The following SPMIP2 variants were observed in gnomAD, a reference collection of about 807,000 sequenced individuals.
SPMIP2 encodes sperm microtubule inner protein 2.
the SPMIP2 span, among the ~76,000 whole-genome samples, chr4:158,971,529 C>T: frequency 0.98 from 149,299 of 152,266 alleles, 73,255 homozygotes; most frequent in East Asian, 1. Flanking sequence ...TAATATCATA[C>T]TAAATTTAAT....
chr4:159,016,235 C>T, the SPMIP2 span, among the ~76,000 whole-genome samples: 14 of 152,184 alleles, frequency 9.2e-5, no homozygotes, highest in African/African-American at 3.1e-4. Context: ...CTGCCAATCT[C>T]TATTAATCAG....
At chr4:159,054,663 C>T in the SPMIP2 span, among the ~76,000 whole-genome samples, 3 of 152,160 alleles carry the variant, frequency 2.0e-5, no homozygotes, top group Non-Finnish European at 4.4e-5. Context: ...GCGCTACACA[C>T]AAAATGGAAA....
chr4:159,009,566 T>A, the SPMIP2 span, among the ~76,000 whole-genome samples: 1 of 152,232 alleles, frequency 6.6e-6, no homozygotes, highest in African/African-American at 2.4e-5. Flanking sequence ...TATATATTCC[T>A]AGAATCAACA....
chr4:158,974,592 ATGAC>A, the SPMIP2 span, among the ~76,000 whole-genome samples: 1 of 152,116 alleles, frequency 6.6e-6, no homozygotes, highest in Non-Finnish European at 1.5e-5. Flanking sequence ...TTTGCTGAGA[ATGAC>A]TGTTTCCAGC....
At chr4:158,993,238 GC>G in the SPMIP2 span, among the ~76,000 whole-genome samples, 3 of 152,002 alleles carry the variant, frequency 2.0e-5, no homozygotes, top group Non-Finnish European at 4.4e-5. Flanking sequence ...CCCATGGCAT[GC>G]CCGGGTAGTC....
At chr4:158,991,209 G>A in the SPMIP2 span, among the ~76,000 whole-genome samples, 1 of 135,036 alleles carries the variant, frequency 7.4e-6, no homozygotes, top group African/African-American at 2.6e-5. Context: ...ACCAAAATGA[G>A]TGTAGACGTG....
chr4:158,979,648 T>A, the SPMIP2 span, among the ~76,000 whole-genome samples: 1 of 152,104 alleles, frequency 6.6e-6, no homozygotes, highest in African/African-American at 2.4e-5. Flanking sequence ...CAGTGACCAC[T>A]GGCCCATATA....
chr4:159,049,810 T>C, the SPMIP2 span, among the ~76,000 whole-genome samples: 1 of 152,226 alleles, frequency 6.6e-6, no homozygotes, highest in African/African-American at 2.4e-5. Context: ...ATGATTTTTG[T>C]GTCTGTCTGG....
At chr4:159,054,041 G>A in the SPMIP2 span, among the ~76,000 whole-genome samples, 87 of 152,230 alleles carry the variant, frequency 5.7e-4, no homozygotes, top group Non-Finnish European at 7.4e-4. Context: ...TGGTGCAATC[G>A]TCACTCACTG....
the SPMIP2 span, among the ~76,000 whole-genome samples, chr4:159,035,944 C>G: frequency 6.6e-6 from 1 of 152,208 alleles, no homozygotes; most frequent in South Asian, 2.1e-4. Context: ...GACCTCCCCA[C>G]TAGAATCTGA....
chr4:158,943,766 C>T, the SPMIP2 span, among the ~76,000 whole-genome samples: 10 of 151,796 alleles, frequency 6.6e-5, no homozygotes, highest in African/African-American at 7.3e-5. Context: ...CAGTGCTCCA[C>T]GCAGTAAGCC....
the SPMIP2 span, among the ~76,000 whole-genome samples, chr4:158,977,859 G>C: frequency 0.99 from 150,463 of 152,202 alleles, 74,390 homozygotes; most frequent in East Asian, 1. Flanking sequence ...CGTGATCTGC[G>C]CACCTCTGCC....
At chr4:159,046,016 G>A in the SPMIP2 span, among the ~76,000 whole-genome samples, 7 of 152,258 alleles carry the variant, frequency 4.6e-5, no homozygotes, top group East Asian at 1.9e-4. Context: ...TTGGAAAGCC[G>A]AGGCGGGCAA....
the SPMIP2 span, among the ~76,000 whole-genome samples, chr4:158,924,839 T>C: frequency 6.6e-6 from 1 of 152,228 alleles, no homozygotes; most frequent in Non-Finnish European, 1.5e-5. Context: ...CTTCATTCTG[T>C]TGACATGGTA....
At chr4:159,009,788 T>C in the SPMIP2 span, among the ~76,000 whole-genome samples, 1 of 152,056 alleles carries the variant, frequency 6.6e-6, no homozygotes, top group Non-Finnish European at 1.5e-5. Context: ...CTGGACAATA[T>C]GGCAAAACCT....
the SPMIP2 span, among the ~76,000 whole-genome samples, chr4:159,079,881 A>G: frequency 6.6e-6 from 1 of 152,166 alleles, no homozygotes. Context: ...CTCAAGCTGA[A>G]AAAAAAGTAA....
chr4:159,042,077 A>G, the SPMIP2 span, among the ~76,000 whole-genome samples: 1 of 152,264 alleles, frequency 6.6e-6, no homozygotes, highest in African/African-American at 2.4e-5. Context: ...AAAACTGATC[A>G]TAGTTAGAAA....
chr4:158,955,678 T>C, the SPMIP2 span, among the ~76,000 whole-genome samples: 1 of 152,206 alleles, frequency 6.6e-6, no homozygotes, highest in African/African-American at 2.4e-5. Context: ...AATGCTGGGA[T>C]TACAGGTGTG....
At chr4:158,954,149 C>T in the SPMIP2 span, among the ~76,000 whole-genome samples, 1 of 152,170 alleles carries the variant, frequency 6.6e-6, no homozygotes, top group Non-Finnish European at 1.5e-5. Context: ...TCTGTGTCCC[C>T]ACCCAAATCT....
Sources: allele counts gnomAD v4.1 joint callset (sites outside exome capture counted in the v4.1 genomes callset), GRCh38; gene constraint gnomAD v4.1.1; transcripts MANE v1.5; gene names NCBI Gene and HGNC (gene_info 2026-07-23, HGNC 2026-07-21).